Variants in PTPRN2 observed in about 807,000 individuals in gnomAD.
The protein encoded by PTPRN2 is receptor-type tyrosine-protein phosphatase N2.
In PTPRN2, 74 loss-of-function variants were observed where a neutral mutation model predicts 118.8. That is an observed-to-expected ratio of 0.62 (90% confidence interval 0.52 to 0.76). The LOEUF (loss-of-function observed/expected upper bound fraction) is 0.76. PTPRN2 is among the 30% of genes least tolerant of loss of function. The pLI is 0.00. For synonymous variants in PTPRN2, 641 were observed against 608.0 expected (o/e 1.05, Z -0.80); for missense variants, 1,481 against 1,394.4 (o/e 1.06, Z -0.99).
chr7:157,743,967 G>A (rs996599586), intron 12 of PTPRN2, among the ~76,000 whole-genome samples: 1 of 152,254 alleles, frequency 6.6e-6, no homozygotes, highest in African/African-American at 2.4e-5. Context: ...GTCGTGGTGG[G>A]AGCTGTGAGG....
intron 6 of PTPRN2, among the ~76,000 whole-genome samples, chr7:158,149,188 C>A (rs1050718318): frequency 2.7e-5 from 4 of 150,658 alleles, no homozygotes; most frequent in South Asian, 4.2e-4. Flanking sequence ...ACACGTCTTT[C>A]CTCCTCAAGT....
intron 1 of PTPRN2, among the ~76,000 whole-genome samples, chr7:158,580,185 A>G (rs889179300): frequency 6.6e-6 from 1 of 152,232 alleles, no homozygotes; most frequent in Non-Finnish European, 1.5e-5. Flanking sequence ...AAGAGCGGCT[A>G]TTTCAGAGAA....
chr7:158,103,396 A>G (rs1331880523), intron 10 of PTPRN2, among the ~76,000 whole-genome samples: 2 of 152,218 alleles, frequency 1.3e-5, no homozygotes, highest in African/African-American at 4.8e-5. Context: ...CAGTAGGAAA[A>G]AGAACGCGAA....
chr7:158,271,143 G>C (rs1221353824), intron 3 of PTPRN2, among the ~76,000 whole-genome samples: 1 of 132,432 alleles, frequency 7.6e-6, no homozygotes, highest in Non-Finnish European at 1.6e-5. Flanking sequence ...GTGTGCCAGA[G>C]GGAGTAACTG....
chr7:158,074,511 G>T (rs1812196480), intron 11 of PTPRN2, among the ~76,000 whole-genome samples: 1 of 152,192 alleles, frequency 6.6e-6, no homozygotes, highest in Admixed American at 6.5e-5. Context: ...GGTCTTAGTG[G>T]CATTTCTATG....
At chr7:158,163,051 A>T (rs7803864) in intron 6 of PTPRN2, among the ~76,000 whole-genome samples, 96,702 of 152,132 alleles carry the variant, frequency 0.64, 31,422 homozygotes, top group East Asian at 0.78. Flanking sequence ...CTAGGGCCTC[A>T]CATCTTCAGA....
intron 1 of PTPRN2, among the ~76,000 whole-genome samples, chr7:158,550,014 G>A (rs1233830280): frequency 2.0e-5 from 3 of 152,202 alleles, no homozygotes; most frequent in Non-Finnish European, 4.4e-5. Context: ...CCTGGAACTC[G>A]GGGCTGGGAG....
chr7:158,329,051 C>T (rs77459581), intron 2 of PTPRN2, among the ~76,000 whole-genome samples: 5,032 of 152,228 alleles, frequency 0.033, 314 homozygotes, highest in African/African-American at 0.11. Context: ...CCATTCCTCC[C>T]GCCACCCAGG....
At chr7:158,074,573 G>A (rs1335340982) in intron 11 of PTPRN2, among the ~76,000 whole-genome samples, 5 of 152,192 alleles carry the variant, frequency 3.3e-5, no homozygotes, top group South Asian at 2.1e-4. Flanking sequence ...GTGAGCTCCC[G>A]TGGCCACCTG....
At chr7:157,708,415 G>A (rs1012398228) in intron 12 of PTPRN2, among the ~76,000 whole-genome samples, 1 of 152,200 alleles carries the variant, frequency 6.6e-6, no homozygotes, top group African/African-American at 2.4e-5. Context: ...TGGCCACAGA[G>A]ACTCGTTCCT....
chr7:158,488,726 C>CT (rs1323972211), intron 2 of PTPRN2, among the ~76,000 whole-genome samples: 9 of 152,258 alleles, frequency 5.9e-5, no homozygotes, highest in Admixed American at 4.6e-4. Context: ...TGCGAGGGGC[C>CT]TCTGGGCAGG....
intron 11 of PTPRN2, among the ~76,000 whole-genome samples, chr7:157,945,798 C>T (rs1001888257): frequency 1.3e-5 from 2 of 151,788 alleles, no homozygotes; most frequent in Non-Finnish European, 2.9e-5. Flanking sequence ...TTCCCACCTC[C>T]ACAAAGTCTG....
At chr7:157,799,806 TCCCTCAGAGG>T (rs1805120852) in intron 12 of PTPRN2, among the ~76,000 whole-genome samples, 2 of 121,328 alleles carry the variant, frequency 1.6e-5, no homozygotes, top group African/African-American at 3.4e-5. Flanking sequence ...GCCTACCCCG[TCCCTCAGAGG>T]CACCACAGCC....
At chr7:157,821,024 T>G (rs1027545531) in intron 12 of PTPRN2, among the ~76,000 whole-genome samples, 1 of 151,994 alleles carries the variant, frequency 6.6e-6, no homozygotes, top group African/African-American at 2.4e-5. Flanking sequence ...GAGTCTCCCA[T>G]GCTGGAGGAG....
chr7:157,913,053 A>G (rs1016935747), intron 11 of PTPRN2, among the ~76,000 whole-genome samples: 4 of 152,162 alleles, frequency 2.6e-5, no homozygotes, highest in Non-Finnish European at 5.9e-5. Flanking sequence ...ATTATTCCCA[A>G]TCTGTGAACA....
At chr7:157,665,001 C>T (rs144100337) in intron 13 of PTPRN2, among the ~76,000 whole-genome samples, 75 of 152,322 alleles carry the variant, frequency 4.9e-4, no homozygotes, top group South Asian at 1.7e-3. Flanking sequence ...GTGGGCCACA[C>T]GAGCCTGCTG....
At chr7:158,144,421 T>A (rs1019229424) in intron 6 of PTPRN2, among the ~76,000 whole-genome samples, 2 of 152,204 alleles carry the variant, frequency 1.3e-5, no homozygotes, top group African/African-American at 2.4e-5. Context: ...GCGGATTTCT[T>A]GAGCCTAGGA....
chr7:158,547,045 C>G (rs965210312), intron 1 of PTPRN2, among the ~76,000 whole-genome samples: 1 of 152,146 alleles, frequency 6.6e-6, no homozygotes, highest in Admixed American at 6.5e-5. Flanking sequence ...AGGCAAGGCC[C>G]CCGGACTCAC....
chr7:157,650,792 G>T (rs911514885), intron 14 of PTPRN2, among the ~76,000 whole-genome samples: 1 of 152,254 alleles, frequency 6.6e-6, no homozygotes, highest in Non-Finnish European at 1.5e-5. Context: ...GCTGCAGCTG[G>T]TGACTTGCAG....
Sources: gnomAD v4.1 joint callset for allele counts (sites outside exome capture counted in the v4.1 genomes callset) on GRCh38, gnomAD v4.1.1 for gene constraint, MANE v1.5 for transcripts, NCBI Gene and HGNC (gene_info 2026-07-23, HGNC 2026-07-21) for gene names.